ZDHHC2: variants seen among roughly 807,000 people sequenced by gnomAD.
ZDHHC2 encodes the protein palmitoyltransferase ZDHHC2.
ZDHHC2 carries 51 observed loss-of-function variants against 55.6 expected under a neutral mutation model. The ratio of observed to expected loss-of-function variants is 0.92; its 90% confidence interval spans 0.73 to 1.16. The LOEUF (loss-of-function observed/expected upper bound fraction) is 1.16. Ranked by LOEUF, ZDHHC2 falls within the 50% of genes most tolerant of loss-of-function variation. The pLI is 0.00. For missense variants in ZDHHC2, 491 were observed against 442.4 expected (o/e 1.11, Z -0.99); for synonymous variants, 199 against 152.9 (o/e 1.30, Z -2.22).
chr8:17,156,772 G>C lies in ZDHHC2; in HGVS notation c.49G>C (p.Val17Leu). Reference sequence around the variant, plus strand: ...CAGCGCCAGGCGGCGGTGCCGGCGGGTGCTGTACTGGATCCCGGTGGTGTT... The same window carrying C: ...CAGCGCCAGGCGGCGGTGCCGGCGGCTGCTGTACTGGATCCCGGTGGTGTT... ...GSSARRRCRRVLYWIPVVFIT... is the reference protein window; with the variant it reads ...GSSARRRCRRLLYWIPVVFIT... The change falls in exon 1 of 13, where the codon GTG (valine) becomes CTG (leucine). Residue 17 changes from valine (V) to leucine (L), a missense_variant. Physicochemically the swap from Val to Leu is conservative, Grantham distance 32. Transcript: ENST00000262096. The C allele has an allele frequency of 1.1e-5, 16 of 1,516,810 alleles. No individual in the cohort carries two copies. Among genetic ancestry groups the C allele is most frequent in the Non-Finnish European group, 1.4e-5 (16 of 1,131,100 alleles). 94.0% of individuals were successfully genotyped at this position (1,516,810 alleles called of 1,614,324 possible).
chr8:17,216,329 T>C lies in ZDHHC2; in HGVS notation c.1064-843T>C, dbSNP rs531499619. ...TAAATATTCTAGTCATTATTTAATA[T>C]ATTATCAGTCATCTTCTCCTAAAAT... On this transcript the variant is annotated intron_variant, in intron 11 of 12. Transcript: ENST00000262096. Among the ~76,000 whole-genome samples, 38 of 152,326 alleles carry C rather than the reference T, an allele frequency of 2.5e-4. 1 individual carries two copies. The East Asian group carries it at 7.1e-3, about 29-fold the overall frequency.
intron 1 of ZDHHC2, among the ~76,000 whole-genome samples, chr8:17,173,689 AAAAG>A (rs1193288152): frequency 2.8e-4 from 42 of 151,488 alleles, no homozygotes; most frequent in African/African-American, 8.9e-4. Context: ...CTTAAAAAAA[AAAAG>A]AAAGAAAGAA....
chr8:17,165,512 T>C (rs1804558786), intron 1 of ZDHHC2, among the ~76,000 whole-genome samples: 1 of 152,192 alleles, frequency 6.6e-6, no homozygotes, highest in South Asian at 2.1e-4. Context: ...GGAAGGGTAG[T>C]GATTCACCAT....
intron 6 of ZDHHC2, among the ~76,000 whole-genome samples, chr8:17,200,340 G>A (rs539148017): frequency 2.0e-4 from 31 of 152,312 alleles, no homozygotes; most frequent in African/African-American, 4.1e-4. Context: ...CAGCCTGGCC[G>A]GTAAAAAATG....
intron 3 of ZDHHC2, among the ~76,000 whole-genome samples, chr8:17,190,630 A>G (rs1805975516): frequency 6.6e-6 from 1 of 152,206 alleles, no homozygotes; most frequent in African/African-American, 2.4e-5. Context: ...TATTTTGAAA[A>G]TGAAGACTAG....
At chr8:17,201,823 AAACAGGTATTTTG>A (rs1227871864) in intron 6 of ZDHHC2, among the ~76,000 whole-genome samples, 1 of 151,914 alleles carries the variant, frequency 6.6e-6, no homozygotes, top group Admixed American at 6.6e-5. Context: ...CAGGTATTTT[AAACAGGTATTTTG>A]AACCTTCATA....
At chr8:17,211,644 T>C (rs1312891438) in intron 10 of ZDHHC2, among the ~76,000 whole-genome samples, 2 of 152,134 alleles carry the variant, frequency 1.3e-5, no homozygotes, top group Non-Finnish European at 2.9e-5. Context: ...AAAAGGAATT[T>C]ATATTTAAAA....
intron 6 of ZDHHC2, among the ~76,000 whole-genome samples, chr8:17,200,983 T>C (rs911554659): frequency 6.6e-6 from 1 of 152,232 alleles, no homozygotes; most frequent in African/African-American, 2.4e-5. Context: ...CCATGTTGAC[T>C]TGTGAAGGAT....
chr8:17,156,710 G>T lies in ZDHHC2; in HGVS notation c.-14G>T. The T allele has an allele frequency of 2.1e-6, 3 of 1,456,026 alleles. No individual in the cohort carries two copies. Among genetic ancestry groups the T allele is most frequent in the Non-Finnish European group, 2.7e-6 (3 of 1,100,940 alleles). 90.2% of individuals were successfully genotyped at this position (1,456,026 alleles called of 1,614,324 possible). A position where few individuals can be genotyped will look rare whatever the true frequency, so the allele number is the denominator to read the frequency against. On this transcript the variant is annotated 5_prime_UTR_variant, in exon 1 of 13. Transcript: ENST00000262096. ...GGGCGGCGGCGGAGCTGGGCAGGTG[G>T]ATGCGGCTGGAAGATGGCGCCCTCG...
chr8:17,179,312 C>G (rs921472339), intron 1 of ZDHHC2, among the ~76,000 whole-genome samples: 5 of 152,118 alleles, frequency 3.3e-5, no homozygotes, highest in African/African-American at 1.2e-4. Context: ...TAAAGCGCAG[C>G]CAGATAATAC....
At position 17,224,723 on chromosome 8, in the gene ZDHHC2, T is replaced by C. The variant is rs1808058157; in HGVS notation, c.*4502T>C. On this transcript the variant is annotated 3_prime_UTR_variant, in exon 13 of 13. Coordinates refer to ENST00000262096, the MANE Select transcript of ZDHHC2 (RefSeq NM_016353.5). ...TGAGAGCAAGGCTATTTTGTCAGTT[T>C]AGATTTTGTGTCTTTTTCTGTCAGT... 1 of 151,802 alleles carries C rather than the reference T, an allele frequency of 6.6e-6. No individual in the cohort carries two copies. Among genetic ancestry groups the C allele is most frequent in the South Asian group, 2.1e-4 (1 of 4,830 alleles). 9.4% of individuals were successfully genotyped at this position (151,802 alleles called of 1,614,324 possible).
intron 1 of ZDHHC2, among the ~76,000 whole-genome samples, chr8:17,176,122 C>T (rs1263577214): frequency 1.3e-5 from 2 of 152,110 alleles, no homozygotes; most frequent in Admixed American, 6.5e-5. Flanking sequence ...GAGATGATAT[C>T]ACTGAATTGC....
intron 8 of ZDHHC2, among the ~76,000 whole-genome samples, chr8:17,208,688 T>A (rs1807224854): frequency 6.6e-6 from 1 of 152,186 alleles, no homozygotes; most frequent in East Asian, 1.9e-4. Flanking sequence ...TATGGAATTC[T>A]CAAATGAAAT....
intron 4 of ZDHHC2, among the ~76,000 whole-genome samples, chr8:17,195,950 T>G (rs181184382): frequency 2.2e-4 from 33 of 152,326 alleles, no homozygotes; most frequent in Admixed American, 2.2e-3. Context: ...TTGTAGACTT[T>G]CCTATTTATA....
chr8:17,183,792 C>A (rs1026645166), intron 1 of ZDHHC2, among the ~76,000 whole-genome samples: 3 of 152,082 alleles, frequency 2.0e-5, no homozygotes, highest in African/African-American at 7.2e-5. Context: ...TTAGGGCAAT[C>A]CAACAGTGGA....
chr8:17,167,304 CTTTT>C (rs371848954), intron 1 of ZDHHC2, among the ~76,000 whole-genome samples: 6 of 108,768 alleles, frequency 5.5e-5, no homozygotes, highest in Non-Finnish European at 1.8e-5. Context: ...TTTTTTTTAA[CTTTT>C]TTTTTTTTTT....
chr8:17,185,867 A>C (rs1241366778), intron 2 of ZDHHC2, among the ~76,000 whole-genome samples: 1 of 152,242 alleles, frequency 6.6e-6, no homozygotes, highest in Non-Finnish European at 1.5e-5. Context: ...TGTTATCATT[A>C]CACCAGCTTT....
chr8:17,159,844 C>G (rs1004516316), intron 1 of ZDHHC2, among the ~76,000 whole-genome samples: 1 of 152,090 alleles, frequency 6.6e-6, no homozygotes, highest in Non-Finnish European at 1.5e-5. Flanking sequence ...GTATTCCTCC[C>G]CCTCCATCCT....
intron 6 of ZDHHC2, among the ~76,000 whole-genome samples, chr8:17,202,838 C>G (rs1563164227): frequency 6.6e-6 from 1 of 151,862 alleles, no homozygotes; most frequent in Non-Finnish European, 1.5e-5. Context: ...ATTTACTGAC[C>G]TCCTTTGTCC....
Sources: gnomAD v4.1 joint callset for allele counts (sites outside exome capture counted in the v4.1 genomes callset) on GRCh38, gnomAD v4.1.1 for gene constraint, MANE v1.5 for transcripts, NCBI Gene and HGNC (gene_info 2026-07-23, HGNC 2026-07-21) for gene names.